BPTF: variants seen among roughly 807,000 people sequenced by gnomAD.
The protein encoded by BPTF is nucleosome-remodeling factor subunit BPTF.
BPTF carries 18 observed loss-of-function variants against 292.5 expected under a neutral mutation model. The observed-to-expected ratio is 0.06, with a 90% CI of 0.04 to 0.09. The LOEUF (loss-of-function observed/expected upper bound fraction) is 0.09. Ranked by LOEUF, BPTF falls within the 10% of genes least tolerant of loss-of-function variation. The probability of loss-of-function intolerance (pLI) is 1.00; values close to 1 mark genes in which losing one functional copy is unlikely to be tolerated. For synonymous variants in BPTF, 1,225 were observed against 1,251.9 expected (o/e 0.98, Z 0.45); for missense variants, 2,726 against 3,498.7 (o/e 0.78, Z 5.57).
chr17:67,857,465 ATTT>A (rs751472386), intron 2 of BPTF, among the ~76,000 whole-genome samples: 4 of 136,512 alleles, frequency 2.9e-5, no homozygotes, highest in Non-Finnish European at 3.2e-5. Flanking sequence ...TGGACAGCAG[ATTT>A]TTTTTTTTTT....
At chr17:67,861,370 A>T (rs545340029) in intron 2 of BPTF, among the ~76,000 whole-genome samples, 54 of 138,802 alleles carry the variant, frequency 3.9e-4, no homozygotes, top group Non-Finnish European at 7.2e-4. Context: ...ATGGAGTCTC[A>T]CTCAGGCTGG....
At position 67,947,728 on chromosome 17, in the gene BPTF, G is replaced by C; in HGVS notation, c.7620G>C (p.Val2540=). 6.4e-7 allele frequency: 1 copy of C among 1,553,580 alleles called. No homozygotes were observed. Among genetic ancestry groups the C allele is most frequent in the African/African-American group, 1.4e-5 (1 of 73,404 alleles). The change falls in exon 22 of 28, where the codon GTG becomes GTC. Residue 2540 remains valine, a splice_region_variant and synonymous_variant. Transcript: ENST00000306378. ...SNQSEIIQKQ[V]VMKHNAVIEH... ...TTTGGATTTATTCTGTCCTGAAGGT[G>C]GTGATGAAGCATAATGCTGTAATAG...
At chr17:67,898,543 C>T (rs2061602080) in intron 7 of BPTF, among the ~76,000 whole-genome samples, 1 of 151,984 alleles carries the variant, frequency 6.6e-6, no homozygotes, top group Non-Finnish European at 1.5e-5. Context: ...TCTCTGACCT[C>T]AAGTTATCCT....
chr17:67,875,863 T>G (rs1670774293), intron 4 of BPTF: 2 of 843,240 alleles, frequency 2.4e-6, no homozygotes, highest in Admixed American at 4.3e-5. Context: ...TTGCTTACAG[T>G]GCCATCCCCA....
chr17:67,906,441 G>A (rs938792010), intron 9 of BPTF, among the ~76,000 whole-genome samples: 7 of 152,066 alleles, frequency 4.6e-5, no homozygotes, highest in African/African-American at 1.7e-4. Context: ...TAGAATCACC[G>A]AACTCTATAG....
intron 7 of BPTF, among the ~76,000 whole-genome samples, chr17:67,900,102 A>T (rs894640448): frequency 6.6e-6 from 1 of 151,912 alleles, no homozygotes; most frequent in Non-Finnish European, 1.5e-5. Flanking sequence ...GTGTGTGCGC[A>T]TGTGTGTGTC....
chr17:67,921,209 C>CAAAAAAAA (rs60707445), intron 13 of BPTF, among the ~76,000 whole-genome samples: 5 of 49,238 alleles, frequency 1.0e-4, no homozygotes, highest in South Asian at 1.0e-3. Context: ...GAATCCGTGT[C>CAAAAAAAA]AAAAAAAAAA....
intron 27 of BPTF, among the ~76,000 whole-genome samples, chr17:67,981,108 G>A (rs1377456689): frequency 6.6e-6 from 1 of 152,210 alleles, no homozygotes; most frequent in East Asian, 1.9e-4. Context: ...GCAGTGAGCT[G>A]TGATTGCGCC....
At chr17:67,901,672 C>G (rs1466066065) in intron 7 of BPTF, among the ~76,000 whole-genome samples, 1 of 152,190 alleles carries the variant, frequency 6.6e-6, no homozygotes, top group African/African-American at 2.4e-5. Context: ...ATGATTACTT[C>G]TCTCATAATT....
intron 4 of BPTF, among the ~76,000 whole-genome samples, chr17:67,890,432 C>T (rs974597888): frequency 2.6e-5 from 4 of 152,186 alleles, no homozygotes; most frequent in African/African-American, 9.7e-5. Flanking sequence ...CTGATTTACA[C>T]CCTTCCTGCT....
In BPTF at chr17:67,979,169, C is replaced by CAAAAAAAAAA. The variant is rs11376410; in HGVS notation, c.8727-3071_8727-3062dup. 8.4e-4 allele frequency among the ~76,000 whole-genome samples: 61 copies of CAAAAAAAAAA among 72,566 alleles called. 1 individual carries two copies. Among genetic ancestry groups the CAAAAAAAAAA allele is most frequent in the African/African-American group, 4.7e-3 (59 of 12,502 alleles). The allele number at this position is 72,566 out of a possible 152,430, so 47.6% of individuals were successfully genotyped here. A position where few individuals can be genotyped will look rare whatever the true frequency, so the allele number is the denominator to read the frequency against. ...TGGAAGACACAACAAGACCCTGTCTCAAAAAAAAAAAAAAAAAAAAAGGCC... is the reference window on the plus strand; with the variant it reads ...TGGAAGACACAACAAGACCCTGTCTCAAAAAAAAAAAAAAAAAAAAAAAAAAAAAAAGGCC... On this transcript the variant is annotated intron_variant, in intron 27 of 27. Coordinates refer to ENST00000306378, the MANE Select transcript of BPTF (RefSeq NM_182641.4).
chr17:67,906,389 TATTA>T (rs2062198082), intron 9 of BPTF, among the ~76,000 whole-genome samples: 1 of 152,148 alleles, frequency 6.6e-6, no homozygotes, highest in Non-Finnish European at 1.5e-5. Flanking sequence ...ATAAATAAGC[TATTA>T]ATTGAGTTTT....
At chr17:67,893,097 G>T in intron 5 of BPTF, 1 of 388,258 alleles carries the variant, frequency 2.6e-6, no homozygotes, top group Non-Finnish European at 4.7e-6. Context: ...TATATTTGAA[G>T]TATTAATACA....
intron 1 of BPTF, among the ~76,000 whole-genome samples, chr17:67,846,928 G>A (rs1426416196): frequency 1.3e-5 from 2 of 152,006 alleles, no homozygotes; most frequent in South Asian, 2.1e-4. Flanking sequence ...CCTAAACTCC[G>A]GACCTCAAGT....
intron 11 of BPTF, among the ~76,000 whole-genome samples, chr17:67,915,287 G>A (rs980057329): frequency 2.6e-5 from 4 of 152,094 alleles, no homozygotes; most frequent in Non-Finnish European, 5.9e-5. Flanking sequence ...CCTCCACAGT[G>A]CTGCCAGAAA....
At position 67,945,562 on chromosome 17, in the gene BPTF, C is replaced by G. The variant is rs782097586; in HGVS notation, c.6854C>G (p.Pro2285Arg). The stretch of plus-strand genomic sequence containing the variant: ...GCTCAGCCCCAGCCCCAAACCCAGC[C>G]CCAGTCCCCAGCTCAGCCTGAAGTT... ...PSAQPQPQTQPQSPAQPEVQT... is the reference protein window; with the variant it reads ...PSAQPQPQTQRQSPAQPEVQT... The change falls in exon 21 of 28, where the codon CCC becomes CGC. Residue 2285 changes from proline to arginine, a missense_variant. By Grantham distance (103) the Pro-to-Arg change is moderately radical. Transcript: ENST00000306378. 3 of 1,611,228 alleles carry G rather than the reference C, an allele frequency of 1.9e-6. No homozygotes were observed. The highest frequency in any genetic ancestry group is 2.5e-6 in the Non-Finnish European group (3 of 1,178,636).
rs1281394032 is a variant in BPTF at position 67,949,656 on chromosome 17, CACAG to C, written c.7926+1354_7926+1357del. Among the ~76,000 whole-genome samples, 42 of 83,526 alleles carry C rather than the reference CACAG, an allele frequency of 5.0e-4. 1 individual carries two copies. The highest frequency in any genetic ancestry group is 1.2e-3 in the Admixed American group (7 of 5,634). 54.8% of individuals were successfully genotyped at this position (83,526 alleles called of 152,430 possible). A position where few individuals can be genotyped will look rare whatever the true frequency, so the allele number is the denominator to read the frequency against. ...ACATACGTACATATATATATATACACACAGACATATATATATATACACACAGACA... is the reference window on the plus strand; with the variant it reads ...ACATACGTACATATATATATATACACACATATATATATATACACACAGACA... On this transcript the variant is annotated intron_variant, in intron 23 of 27. Coordinates refer to ENST00000306378, the MANE Select transcript of BPTF (RefSeq NM_182641.4).
At position 67,911,251 on chromosome 17, in the gene BPTF, G is replaced by A. The variant is rs369302987; in HGVS notation, c.3367G>A (p.Glu1123Lys). 6.2e-7 allele frequency: 1 copy of A among 1,614,006 alleles called. No homozygotes were observed. The highest frequency in any genetic ancestry group is 8.5e-7 in the Non-Finnish European group (1 of 1,179,958). The change falls in exon 11 of 28, where the codon GAA (glutamate) becomes AAA (lysine). Residue 1123 changes from glutamate to lysine, a missense_variant. This residue lies in a region of BPTF where 713 missense variants were observed against 714.9 expected (regional missense o/e 1.00). Transcript: ENST00000306378. ...GTGTCAGAGTGACTCGATGAGACAAGAACAGAGCCCAAATGCAAATAATGA... is the reference window on the plus strand; with the variant it reads ...GTGTCAGAGTGACTCGATGAGACAAAAACAGAGCCCAAATGCAAATAATGA... ...EGCQSDSMRQ[E>K]QSPNANNDQP...
At chr17:67,980,616 G>A (rs2070225517) in intron 27 of BPTF, among the ~76,000 whole-genome samples, 1 of 152,162 alleles carries the variant, frequency 6.6e-6, no homozygotes, top group South Asian at 2.1e-4. Flanking sequence ...GAGCCCACAG[G>A]ATGACTGCTG....
Sources: gnomAD v4.1 joint callset for allele counts (sites outside exome capture counted in the v4.1 genomes callset) on GRCh38, gnomAD v4.1.1 for gene constraint, gnomAD v4.1.1 regional missense constraint, MANE v1.5 for transcripts, NCBI Gene and HGNC (gene_info 2026-07-23, HGNC 2026-07-21) for gene names.